The following ADORA2B variants were observed in gnomAD, a reference collection of about 807,000 sequenced individuals.
The protein encoded by ADORA2B is adenosine A2b receptor.
In ADORA2B, 18 loss-of-function variants were observed where a neutral mutation model predicts 20.8. The observed-to-expected ratio is 0.87, with a 90% CI of 0.60 to 1.29. ADORA2B has a LOEUF of 1.29. Ranked by LOEUF, ADORA2B falls within the 50% of genes most tolerant of loss-of-function variation. ADORA2B has a pLI of 0.00. For missense variants in ADORA2B, 441 were observed against 422.7 expected, an observed-to-expected ratio of 1.04 and a Z score of -0.38; for synonymous variants, 179 against 178.3, an observed-to-expected ratio of 1.00 and a Z score of -0.03.
At chr17:15,917,204 A>T in the ADORA2B span, among the ~76,000 whole-genome samples, 118 of 152,360 alleles carry the variant, frequency 7.7e-4, 2 homozygotes, top group South Asian at 0.023. Context: ...CTTGGGAGTC[A>T]GAGGCGGGAG....
the ADORA2B span, among the ~76,000 whole-genome samples, chr17:15,886,253 C>T: frequency 5.7e-5 from 4 of 70,062 alleles, 2 homozygotes; most frequent in Admixed American, 2.6e-4. Context: ...GTGGCTCGCC[C>T]TTTCCTGAAG....
intron 1 of ADORA2B, among the ~76,000 whole-genome samples, chr17:15,967,174 AG>A (rs942408309): frequency 1.3e-5 from 2 of 151,302 alleles, no homozygotes; most frequent in African/African-American, 2.4e-5. Context: ...GAGATGCCAG[AG>A]TCCCCAGGGG....
intron 1 of ADORA2B, among the ~76,000 whole-genome samples, chr17:15,967,448 C>T (rs1970135208): frequency 1.3e-5 from 2 of 152,136 alleles, no homozygotes; most frequent in African/African-American, 4.8e-5. Context: ...CCAGGCTGGT[C>T]TCGAACTCCT....
the ADORA2B span, among the ~76,000 whole-genome samples, chr17:15,894,660 G>T: frequency 1.3e-5 from 2 of 152,202 alleles, no homozygotes; most frequent in Non-Finnish European, 1.5e-5. Flanking sequence ...GACAGAATCA[G>T]CTGGACTTAG....
intron 1 of ADORA2B, among the ~76,000 whole-genome samples, chr17:15,956,817 C>G (rs749176660): frequency 6.4e-4 from 98 of 152,050 alleles, no homozygotes; most frequent in Non-Finnish European, 2.9e-4. Context: ...TCAGGCTGGT[C>G]TCAAACTCCT....
At chr17:15,871,039 C>T in the ADORA2B span, among the ~76,000 whole-genome samples, 1 of 152,192 alleles carries the variant, frequency 6.6e-6, no homozygotes, top group Admixed American at 6.5e-5. Context: ...AGACGAAGGG[C>T]TCTCCCGTGT....
At chr17:15,974,655 A>G in intron 1 of ADORA2B, 24 bp from the exon 2 acceptor site, 1 of 1,600,346 alleles carries the variant, frequency 6.2e-7, no homozygotes, top group South Asian at 1.1e-5. Context: ...AACTGACCGT[A>G]ACAGATGGTA....
At position 15,955,396 on chromosome 17, in the gene ADORA2B, G is replaced by GT. The variant is rs201088108; in HGVS notation, c.335+9821dup. Among the ~76,000 whole-genome samples the GT allele has an allele frequency of 7.0e-3, 1,033 of 147,706 alleles. 11 individuals are homozygous for GT. The highest frequency in any genetic ancestry group is 0.023 in the African/African-American group (913 of 40,012). On this transcript the variant is annotated intron_variant, in intron 1 of 1. Coordinates refer to ENST00000304222, the MANE Select transcript of ADORA2B (RefSeq NM_000676.4). ...TTCTTTTCTCTGGGATTCTTTTTTT[G>GT]TTTTTTTTGTTTTTTTTTTTCGAGA...
chr17:15,873,179 A>G, the ADORA2B span, among the ~76,000 whole-genome samples: 1 of 152,128 alleles, frequency 6.6e-6, no homozygotes. Context: ...TTTTGTTTTT[A>G]ATTCTGTTTA....
the ADORA2B span, among the ~76,000 whole-genome samples, chr17:15,894,407 G>A: frequency 1.3e-5 from 2 of 152,220 alleles, no homozygotes; most frequent in East Asian, 3.8e-4. Flanking sequence ...GGAGGAGGCA[G>A]CAGTGCAGAG....
chr17:15,893,949 T>C, the ADORA2B span, among the ~76,000 whole-genome samples: 1 of 152,220 alleles, frequency 6.6e-6, no homozygotes, highest in Non-Finnish European at 1.5e-5. Flanking sequence ...CCTTCAACAC[T>C]TTGTAAATGA....
the ADORA2B span, among the ~76,000 whole-genome samples, chr17:15,916,138 A>G: frequency 6.6e-6 from 1 of 152,176 alleles, no homozygotes; most frequent in African/African-American, 2.4e-5. Flanking sequence ...CGAACAGGCG[A>G]AGACTCTTGC....
the ADORA2B span, among the ~76,000 whole-genome samples, chr17:15,879,989 T>G: frequency 6.7e-6 from 1 of 149,564 alleles, no homozygotes; most frequent in Non-Finnish European, 1.5e-5. Context: ...CAGTGAAGAC[T>G]GAAGTTTTCC....
chr17:15,892,449 G>T, the ADORA2B span, among the ~76,000 whole-genome samples: 115 of 151,524 alleles, frequency 7.6e-4, no homozygotes, highest in Admixed American at 5.3e-4. Flanking sequence ...GATTACAGGT[G>T]TTAGCCACCG....
At chr17:15,923,571 A>AT in the ADORA2B span, among the ~76,000 whole-genome samples, 8 of 148,788 alleles carry the variant, frequency 5.4e-5, no homozygotes, top group Admixed American at 3.4e-4. Context: ...CGCCCGACTA[A>AT]TTTTTTTTGT....
At chr17:15,907,864 T>C in the ADORA2B span, among the ~76,000 whole-genome samples, 1 of 152,222 alleles carries the variant, frequency 6.6e-6, no homozygotes, top group Non-Finnish European at 1.5e-5. Flanking sequence ...GAGCGTACGC[T>C]GCACACTATG....
In ADORA2B at chr17:15,945,592, C is replaced by T. The variant is rs1969793017; in HGVS notation, c.335+9C>T. ...ATCTGTGTCCCGCTCAGGTGAGGCGCTCGGCGTCGCCCGAACTCGGGGCCC... is the reference window on the plus strand; with the variant it reads ...ATCTGTGTCCCGCTCAGGTGAGGCGTTCGGCGTCGCCCGAACTCGGGGCCC... On this transcript the variant is annotated intron_variant, in intron 1 of 1. Transcript: ENST00000304222. 1.4e-6 allele frequency: 2 copies of T among 1,468,812 alleles called. No homozygotes were observed. 91.0% of individuals were successfully genotyped at this position (1,468,812 alleles called of 1,614,324 possible). A position where few individuals can be genotyped will look rare whatever the true frequency, so the allele number is the denominator to read the frequency against.
chr17:15,948,251 G>A (rs1402246960), intron 1 of ADORA2B, among the ~76,000 whole-genome samples: 3 of 34,244 alleles, frequency 8.8e-5, no homozygotes, highest in African/African-American at 1.8e-4. Context: ...AGATGACAGT[G>A]TAGAAGGGAG....
chr17:15,892,946 T>C, the ADORA2B span, among the ~76,000 whole-genome samples: 2 of 152,188 alleles, frequency 1.3e-5, no homozygotes, highest in African/African-American at 2.4e-5. Context: ...TGTCGTGGGC[T>C]GTGCGGTTTT....
Sources: gnomAD v4.1 joint callset for allele counts (sites outside exome capture counted in the v4.1 genomes callset) on GRCh38, gnomAD v4.1.1 for gene constraint, MANE v1.5 for transcripts, NCBI Gene and HGNC (gene_info 2026-07-23, HGNC 2026-07-21) for gene names.